Variants in UBE2R2 observed in about 807,000 individuals in gnomAD.
UBE2R2 encodes the protein ubiquitin conjugating enzyme E2 R2, also known as ubiquitin-conjugating enzyme E2 R2.
UBE2R2 carries 1 observed loss-of-function variant against 27.8 expected under a neutral mutation model. The observed-to-expected ratio is 0.04, with a 90% confidence interval of 0.01 to 0.17. The LOEUF (loss-of-function observed/expected upper bound fraction) is 0.17, where lower values mean the gene tolerates loss of function less well. UBE2R2 is among the 10% of genes least tolerant of loss of function. The probability of loss-of-function intolerance (pLI) is 1.00; values close to 1 mark genes in which losing one functional copy is unlikely to be tolerated. For missense variants in UBE2R2, 100 were observed against 291.0 expected (o/e 0.34, Z 4.78); for synonymous variants, 106 against 113.3 (o/e 0.94, Z 0.41).
intron 1 of UBE2R2, among the ~76,000 whole-genome samples, chr9:33,819,827 T>TG (rs1333389387): frequency 6.6e-6 from 1 of 152,124 alleles, no homozygotes; most frequent in East Asian, 1.9e-4. Context: ...TTAGTAGAGA[T>TG]GGGGTTTCAC....
intron 2 of UBE2R2, among the ~76,000 whole-genome samples, chr9:33,891,283 C>G (rs1400807919): frequency 6.6e-6 from 1 of 151,770 alleles, no homozygotes; most frequent in Middle Eastern, 3.2e-3. Flanking sequence ...TCGTGATCCA[C>G]CTGCCTCGGC....
At chr9:33,821,846 T>C (rs1018377943) in intron 1 of UBE2R2, among the ~76,000 whole-genome samples, 12 of 152,214 alleles carry the variant, frequency 7.9e-5, no homozygotes, top group Non-Finnish European at 1.5e-4. Context: ...CTTGAACCCC[T>C]GACCTTAAGT....
intron 3 of UBE2R2, among the ~76,000 whole-genome samples, chr9:33,905,816 T>C (rs572214256): frequency 6.6e-6 from 1 of 152,266 alleles, no homozygotes; most frequent in African/African-American, 2.4e-5. Context: ...GCCCATCCTT[T>C]GATAGAGTGG....
chr9:33,865,522 C>G (rs1269662492), intron 1 of UBE2R2, among the ~76,000 whole-genome samples: 1 of 152,016 alleles, frequency 6.6e-6, no homozygotes, highest in African/African-American at 2.4e-5. Context: ...TGCCGTTTTT[C>G]ATTTTTAAAA....
At chr9:33,824,598 C>T (rs1022651380) in intron 1 of UBE2R2, among the ~76,000 whole-genome samples, 2 of 148,278 alleles carry the variant, frequency 1.3e-5, no homozygotes, top group African/African-American at 5.0e-5. Context: ...GATATCGAGG[C>T]ACTGCTCTCT....
chr9:33,822,881 TTTTTTC>T (rs1234696846), intron 1 of UBE2R2, among the ~76,000 whole-genome samples: 1 of 151,222 alleles, frequency 6.6e-6, no homozygotes, highest in Non-Finnish European at 1.5e-5. Context: ...TTTATTTCTT[TTTTTTC>T]TTTTTCTTCT....
In UBE2R2 at chr9:33,830,017, G is replaced by A. The variant is rs186540668; in HGVS notation, c.177+12083G>A. Among the ~76,000 whole-genome samples the A allele has an allele frequency of 3.9e-3, 589 of 151,944 alleles. 3 individuals are homozygous for A. Among genetic ancestry groups the A allele is most frequent in the African/African-American group, 0.013 (534 of 41,440 alleles). Reference sequence around the variant, plus strand: ...TCTCCACGTTGGTCAAGCTGGTCTCGAACTCCCGACCTCTGGTGATCCGCC... The same window carrying A: ...TCTCCACGTTGGTCAAGCTGGTCTCAAACTCCCGACCTCTGGTGATCCGCC... On this transcript the variant is annotated intron_variant, in intron 1 of 4. Coordinates refer to ENST00000263228, the MANE Select transcript of UBE2R2 (RefSeq NM_017811.4).
At chr9:33,897,026 T>A (rs1399319539) in intron 2 of UBE2R2, among the ~76,000 whole-genome samples, 1 of 32,804 alleles carries the variant, frequency 3.0e-5, no homozygotes, top group African/African-American at 1.1e-4. Flanking sequence ...GTGGCCTAAT[T>A]TTTTTTTTTT....
intron 2 of UBE2R2, among the ~76,000 whole-genome samples, chr9:33,895,990 C>G (rs750986877): frequency 2.6e-5 from 4 of 151,928 alleles, no homozygotes; most frequent in Non-Finnish European, 5.9e-5. Flanking sequence ...CCAGGATGGT[C>G]TCGAACTCCT....
At chr9:33,822,093 T>TAA (rs1825991690) in intron 1 of UBE2R2, among the ~76,000 whole-genome samples, 1 of 121,408 alleles carries the variant, frequency 8.2e-6, no homozygotes, top group African/African-American at 3.2e-5. Context: ...TATATATATA[T>TAA]ATATTTTTTT....
At chr9:33,834,204 CT>C (rs1338617494) in intron 1 of UBE2R2, among the ~76,000 whole-genome samples, 89 of 122,914 alleles carry the variant, frequency 7.2e-4, no homozygotes, top group East Asian at 1.6e-3. Context: ...TTTTTTTTTT[CT>C]TTTTTTTTTT....
intron 1 of UBE2R2, among the ~76,000 whole-genome samples, chr9:33,829,860 A>G (rs1028026896): frequency 1.3e-5 from 2 of 149,212 alleles, no homozygotes; most frequent in Admixed American, 6.8e-5. Context: ...CAGTGGCACA[A>G]TCTCGGCTCA....
intron 1 of UBE2R2, among the ~76,000 whole-genome samples, chr9:33,871,820 C>T (rs1587459707): frequency 6.6e-6 from 1 of 152,184 alleles, no homozygotes; most frequent in South Asian, 2.1e-4. Flanking sequence ...GAGCAATTCT[C>T]CAGCCTCAGC....
intron 1 of UBE2R2, among the ~76,000 whole-genome samples, chr9:33,840,416 CT>C (rs957405675): frequency 2.6e-5 from 4 of 151,968 alleles, no homozygotes; most frequent in Admixed American, 1.3e-4. Context: ...GCCTCTATCC[CT>C]TTTTTTTCCT....
chr9:33,898,331 C>A (rs931378075), intron 2 of UBE2R2, among the ~76,000 whole-genome samples: 1 of 152,090 alleles, frequency 6.6e-6, no homozygotes, highest in African/African-American at 2.4e-5. Flanking sequence ...CTGCCTGCCT[C>A]AGCCTCCCAA....
chr9:33,899,391 T>G (rs1006808898), intron 2 of UBE2R2, among the ~76,000 whole-genome samples: 6 of 150,430 alleles, frequency 4.0e-5, no homozygotes, highest in Non-Finnish European at 5.9e-5. Context: ...TTTTGTTTTT[T>G]TGAGACGGAG....
At chr9:33,821,567 T>G (rs1257738331) in intron 1 of UBE2R2, among the ~76,000 whole-genome samples, 4 of 152,124 alleles carry the variant, frequency 2.6e-5, no homozygotes, top group Non-Finnish European at 4.4e-5. Flanking sequence ...ATTATAGCAG[T>G]GAGTCTAGAG....
At chr9:33,852,189 T>C (rs1292919102) in intron 1 of UBE2R2, among the ~76,000 whole-genome samples, 1 of 152,128 alleles carries the variant, frequency 6.6e-6, no homozygotes, top group Non-Finnish European at 1.5e-5. Flanking sequence ...CATGTGCCTA[T>C]AGTCCCAGCC....
chr9:33,815,820 T>C (rs1825742561), upstream of UBE2R2, among the ~76,000 whole-genome samples: 1 of 152,172 alleles, frequency 6.6e-6, no homozygotes, highest in African/African-American at 2.4e-5. Context: ...TTTCTATGAA[T>C]CATTAACCAT....
Sources: allele counts gnomAD v4.1 joint callset (sites outside exome capture counted in the v4.1 genomes callset), GRCh38; gene constraint gnomAD v4.1.1; transcripts MANE v1.5; gene names NCBI Gene and HGNC (gene_info 2026-07-23, HGNC 2026-07-21).